WDR27: variants seen among roughly 807,000 people sequenced by gnomAD.
The protein encoded by WDR27 is WD repeat-containing protein 27.
A neutral mutation model predicts 114.4 loss-of-function variants in WDR27; 100 were observed. That is an observed-to-expected ratio of 0.87 (90% CI 0.74 to 1.03). WDR27 has a LOEUF of 1.03. Among genes scored for constraint, WDR27 ranks in the 50% least tolerant of loss-of-function variants. WDR27 has a pLI of 0.00. For missense variants in WDR27, 1,129 were observed against 1,092.9 expected, an observed-to-expected ratio of 1.03 and a Z score of -0.47; for synonymous variants, 449 against 423.1, an observed-to-expected ratio of 1.06 and a Z score of -0.75.
chr6:169,645,977 CT>C (rs1281622848), intron 16 of WDR27, among the ~76,000 whole-genome samples: 1 of 152,088 alleles, frequency 6.6e-6, no homozygotes, highest in African/African-American at 2.4e-5. Context: ...ACGACTCACA[CT>C]GTAGAAAAGC....
chr6:169,583,761 C>T (rs911449147), intron 23 of WDR27, among the ~76,000 whole-genome samples: 7 of 151,666 alleles, frequency 4.6e-5, no homozygotes, highest in Non-Finnish European at 7.4e-5. Flanking sequence ...CCGCAAAAAC[C>T]TACTATTTTT....
At chr6:169,681,063 T>C (rs1019299707) in intron 2 of WDR27, among the ~76,000 whole-genome samples, 65 of 152,194 alleles carry the variant, frequency 4.3e-4, no homozygotes, top group African/African-American at 1.3e-3. Context: ...CTGACATTTA[T>C]AAAACAAAAG....
chr6:169,472,546 A>AAT (rs1446796403), intron 25 of WDR27, among the ~76,000 whole-genome samples: 12 of 152,212 alleles, frequency 7.9e-5, no homozygotes, highest in Non-Finnish European at 1.8e-4. Context: ...TGAATTAGTT[A>AAT]ATATATATAA....
At chr6:169,550,103 AG>A (rs145460794) in intron 25 of WDR27, among the ~76,000 whole-genome samples, 5,559 of 152,266 alleles carry the variant, frequency 0.037, 264 homozygotes, top group African/African-American at 0.11. Flanking sequence ...GGTGGAAGAT[AG>A]GGACAGGGGG....
chr6:169,623,689 C>G (rs888412778), intron 21 of WDR27, among the ~76,000 whole-genome samples: 1 of 152,342 alleles, frequency 6.6e-6, no homozygotes, highest in African/African-American at 2.4e-5. Context: ...AGAAGAAAAA[C>G]TGGTCATTTA....
chr6:169,590,970 A>T (rs1805643426), intron 23 of WDR27, among the ~76,000 whole-genome samples: 1 of 152,206 alleles, frequency 6.6e-6, no homozygotes, highest in African/African-American at 2.4e-5. Context: ...TCTCTTCCAT[A>T]TACGGATTTC....
chr6:169,473,108 A>G (rs1157857863), intron 25 of WDR27, among the ~76,000 whole-genome samples: 1 of 152,266 alleles, frequency 6.6e-6, no homozygotes, highest in Non-Finnish European at 1.5e-5. Flanking sequence ...TAAGAAAAAG[A>G]AAATGGCAAC....
the WDR27 span, among the ~76,000 whole-genome samples, chr6:169,444,526 C>G: frequency 6.6e-6 from 1 of 152,172 alleles, no homozygotes; most frequent in Non-Finnish European, 1.5e-5. Flanking sequence ...CTGGCCAGAG[C>G]CGGCAGGGGC....
At chr6:169,439,834 A>T in the WDR27 span, among the ~76,000 whole-genome samples, 1 of 149,766 alleles carries the variant, frequency 6.7e-6, no homozygotes, top group East Asian at 1.9e-4. Context: ...TTTTAATAGG[A>T]TGCAATTATA....
intron 18 of WDR27, 133 bp from the exon 19 acceptor site, chr6:169,636,637 C>T: frequency 2.3e-6 from 2 of 855,394 alleles, no homozygotes; most frequent in South Asian, 5.3e-5. Context: ...CTTTGTTAGA[C>T]CCAATCTACA....
chr6:169,469,193 A>AAAGTCTT (rs1466607580), intron 25 of WDR27, among the ~76,000 whole-genome samples: 1 of 152,232 alleles, frequency 6.6e-6, no homozygotes, highest in Non-Finnish European at 1.5e-5. Context: ...AACAGACACA[A>AAAGTCTT]AAGTCTTAAC....
At chr6:169,695,272 C>T (rs1785592163) in intron 1 of WDR27, among the ~76,000 whole-genome samples, 1 of 152,296 alleles carries the variant, frequency 6.6e-6, no homozygotes, top group Admixed American at 6.5e-5. Flanking sequence ...GGGTTGGTTG[C>T]TGAAGAGGAA....
chr6:169,691,963 A>G (rs1784612323), intron 1 of WDR27, among the ~76,000 whole-genome samples: 1 of 152,250 alleles, frequency 6.6e-6, no homozygotes, highest in Admixed American at 6.5e-5. Context: ...TACCAAAAAA[A>G]ATGAAAGAAT....
intron 25 of WDR27, among the ~76,000 whole-genome samples, chr6:169,514,910 T>A (rs1793437034): frequency 6.6e-6 from 1 of 151,824 alleles, no homozygotes; most frequent in Admixed American, 6.6e-5. Context: ...TATTTTATTT[T>A]AAAAATAAAT....
rs572837938 is a variant in WDR27 at position 169,635,001 on chromosome 6, C to A, written c.2004-476G>T. Among the ~76,000 whole-genome samples the A allele has an allele frequency of 8.5e-5, 13 of 152,320 alleles. No individual in the cohort carries two copies. In the East Asian group the frequency reaches 2.3e-3, roughly 27 times the overall value. Reference sequence around the variant, plus strand: ...AAGAGGATCCACCAACTCTCAGGGGCAAAGGGCTGTGCCAGCCGAGATGGG... The same window carrying A: ...AAGAGGATCCACCAACTCTCAGGGGAAAAGGGCTGTGCCAGCCGAGATGGG... On this transcript the variant is annotated intron_variant, in intron 19 of 25. Coordinates refer to ENST00000448612, the MANE Select transcript of WDR27 (RefSeq NM_182552.5).
At chr6:169,492,876 T>C (rs1789949666) in intron 25 of WDR27, among the ~76,000 whole-genome samples, 1 of 152,076 alleles carries the variant, frequency 6.6e-6, no homozygotes, top group African/African-American at 2.4e-5. Flanking sequence ...AGAAAACTGA[T>C]ATCCAGGATA....
chr6:169,451,888 G>T, the WDR27 span, among the ~76,000 whole-genome samples: 211 of 152,014 alleles, frequency 1.4e-3, no homozygotes, highest in Non-Finnish European at 1.5e-3. Flanking sequence ...TATAAACTGT[G>T]TTTTTTTAAA....
intron 25 of WDR27, among the ~76,000 whole-genome samples, chr6:169,508,649 A>T (rs1562510281): frequency 6.6e-6 from 1 of 152,238 alleles, no homozygotes; most frequent in Non-Finnish European, 1.5e-5. Flanking sequence ...TCTGAAGTGG[A>T]ATCTGCTAAG....
chr6:169,613,161 T>C (rs953476287), intron 22 of WDR27, among the ~76,000 whole-genome samples: 26 of 151,828 alleles, frequency 1.7e-4, no homozygotes, highest in Admixed American at 1.0e-3. Flanking sequence ...CCTGAGGAGG[T>C]AGGAAAAGGA....
Sources: gnomAD v4.1 joint callset for allele counts (sites outside exome capture counted in the v4.1 genomes callset) on GRCh38, gnomAD v4.1.1 for gene constraint, MANE v1.5 for transcripts, NCBI Gene and HGNC (gene_info 2026-07-23, HGNC 2026-07-21) for gene names.